The following BTC variants were observed in gnomAD, a reference collection of about 807,000 sequenced individuals.
BTC encodes probetacellulin.
Under a neutral mutation model 18.1 loss-of-function variants are expected in BTC, and 13 were observed. The ratio of observed to expected loss-of-function variants is 0.72; its 90% CI spans 0.47 to 1.14. BTC has a LOEUF of 1.14. Among genes scored for constraint, BTC ranks in the 50% most tolerant of loss-of-function variants. The probability of loss-of-function intolerance (pLI) is 0.00; values close to 1 mark genes in which losing one functional copy is unlikely to be tolerated. For synonymous variants in BTC, 83 were observed against 79.4 expected, an observed-to-expected ratio of 1.05 and a Z score of -0.24; for missense variants, 247 against 224.2, an observed-to-expected ratio of 1.10 and a Z score of -0.65.
At chr4:74,788,533 G>C (rs1202655510) in intron 1 of BTC, among the ~76,000 whole-genome samples, 1 of 152,110 alleles carries the variant, frequency 6.6e-6, no homozygotes, top group Non-Finnish European at 1.5e-5. Flanking sequence ...GAAAGACAAT[G>C]GCCTACAATT....
At chr4:74,772,071 T>C (rs1259988459) in intron 1 of BTC, among the ~76,000 whole-genome samples, 1 of 152,214 alleles carries the variant, frequency 6.6e-6, no homozygotes, top group Non-Finnish European at 1.5e-5. Flanking sequence ...TGGGAGTATG[T>C]ACTCATCTGT....
Position 74,757,760 on chromosome 4 carries a change from G to A in BTC, c.164-1784C>T, listed in dbSNP as rs187286855. Among the ~76,000 whole-genome samples, 21 of 152,268 alleles carry A rather than the reference G, an allele frequency of 1.4e-4. No individual in the cohort carries two copies. In the East Asian group the frequency reaches 2.5e-3, roughly 18 times the overall value. Reference sequence around the variant, plus strand: ...AAACAGTAGAAAGAACACTGGATTCGGAGAAAGAAAATTCGTGTTTAATTT... The same window carrying A: ...AAACAGTAGAAAGAACACTGGATTCAGAGAAAGAAAATTCGTGTTTAATTT... On this transcript the variant is annotated intron_variant, in intron 2 of 5. Transcript: ENST00000395743.
chr4:74,792,480 G>T (rs763864627), intron 1 of BTC, among the ~76,000 whole-genome samples: 1 of 151,928 alleles, frequency 6.6e-6, no homozygotes, highest in Non-Finnish European at 1.5e-5. Context: ...GCCCACAGGC[G>T]CCCCCCCTTC....
At chr4:74,760,151 C>G (rs1553957139) in intron 2 of BTC, among the ~76,000 whole-genome samples, 2 of 152,182 alleles carry the variant, frequency 1.3e-5, no homozygotes, top group Non-Finnish European at 2.9e-5. Flanking sequence ...GCAATCAATA[C>G]TACAACTGTT....
rs10654944 is a variant in BTC at position 74,749,483 on chromosome 4, AAAATAAATAAAT to A, written c.428+1078_428+1089del. The stretch of plus-strand genomic sequence containing the variant: ...GGGCAACAGAGCAAGACTCTGTCTC[AAAATAAATAAAT>A]AAATAAATAAATAAATAAATAATCA... On this transcript the variant is annotated intron_variant, in intron 4 of 5. Transcript: ENST00000395743. Among the ~76,000 whole-genome samples the A allele has an allele frequency of 9.7e-4, 140 of 143,740 alleles. 3 individuals are homozygous for A. In the South Asian group the frequency reaches 0.026, roughly 27 times the overall value. The allele number at this position is 143,740 out of a possible 152,430, so 94.3% of individuals were successfully genotyped here. A position where few individuals can be genotyped will look rare whatever the true frequency, so the allele number is the denominator to read the frequency against.
At chr4:74,778,070 C>T (rs771223249) in intron 1 of BTC, among the ~76,000 whole-genome samples, 3 of 150,832 alleles carry the variant, frequency 2.0e-5, no homozygotes, top group Non-Finnish European at 4.4e-5. Flanking sequence ...TAATGTTTAA[C>T]ACTGAGTTTG....
At chr4:74,776,968 C>T (rs970805899) in intron 1 of BTC, among the ~76,000 whole-genome samples, 4 of 152,136 alleles carry the variant, frequency 2.6e-5, no homozygotes, top group African/African-American at 7.2e-5. Flanking sequence ...TTCCATGTCT[C>T]ATTAGAAAAT....
intron 4 of BTC, among the ~76,000 whole-genome samples, chr4:74,749,823 C>G (rs1724409755): frequency 1.4e-5 from 2 of 146,714 alleles, no homozygotes; most frequent in African/African-American, 2.5e-5. Context: ...GGACCAGGTA[C>G]AGTGGCTCAC....
At chr4:74,757,624 A>T (rs1317055575) in intron 2 of BTC, among the ~76,000 whole-genome samples, 1 of 152,246 alleles carries the variant, frequency 6.6e-6, no homozygotes, top group Non-Finnish European at 1.5e-5. Flanking sequence ...GAAATAAAGG[A>T]TACCTTATCT....
intron 1 of BTC, 64 bp from the exon 2 acceptor site, chr4:74,770,220 A>G (rs1725003617): frequency 7.8e-6 from 10 of 1,288,220 alleles, no homozygotes; most frequent in Non-Finnish European, 1.1e-5. Flanking sequence ...ACAGTCTATC[A>G]AAGTCATCAC....
chr4:74,783,587 C>CT (rs71220728), intron 1 of BTC, among the ~76,000 whole-genome samples: 19,799 of 83,524 alleles, frequency 0.24, 2,592 homozygotes, highest in South Asian at 0.32. Flanking sequence ...CTATTCGGCT[C>CT]TTTTTTTTTT....
At chr4:74,786,359 G>A (rs1202851940) in intron 1 of BTC, among the ~76,000 whole-genome samples, 1 of 152,164 alleles carries the variant, frequency 6.6e-6, no homozygotes. Flanking sequence ...AAAGATCTGT[G>A]TGTAATGTGC....
At chr4:74,781,078 C>T (rs979698243) in intron 1 of BTC, among the ~76,000 whole-genome samples, 5 of 151,950 alleles carry the variant, frequency 3.3e-5, no homozygotes, top group African/African-American at 1.2e-4. Flanking sequence ...CACTCCCTAC[C>T]CAGCTTAGGA....
Position 74,759,340 on chromosome 4 carries a change from A to T in BTC, c.164-3364T>A, listed in dbSNP as rs77160158. On this transcript the variant is annotated intron_variant, in intron 2 of 5. Coordinates refer to ENST00000395743, the MANE Select transcript of BTC (RefSeq NM_001729.4). The stretch of plus-strand genomic sequence containing the variant: ...CAACCAGAAATATCCCTCTGGTCCT[A>T]GAGGTGGTGGGACACAATCGATTTT... 7.3e-3 allele frequency among the ~76,000 whole-genome samples: 1,113 copies of T among 152,326 alleles called. 38 individuals are homozygous for T. The highest frequency in any genetic ancestry group is 0.054 in the Admixed American group (823 of 15,302).
chr4:74,768,648 T>A (rs1038335521), intron 2 of BTC, among the ~76,000 whole-genome samples: 120 of 152,150 alleles, frequency 7.9e-4, no homozygotes, highest in Non-Finnish European at 2.4e-4. Flanking sequence ...TAGTGCAACA[T>A]TAATAAATTT....
Position 74,745,458 on chromosome 4 carries a change from C to A in BTC, c.*1219G>T, listed in dbSNP as rs183281895. On this transcript the variant is annotated 3_prime_UTR_variant, in exon 6 of 6. Coordinates refer to ENST00000395743, the MANE Select transcript of BTC (RefSeq NM_001729.4). ...CTTCCATCGATTTTTGTAAGTGAACCACGTAATCAATGTAAAAAGTTAAAT... is the reference window on the plus strand; with the variant it reads ...CTTCCATCGATTTTTGTAAGTGAACAACGTAATCAATGTAAAAAGTTAAAT... The A allele has an allele frequency of 6.6e-6, 1 of 152,112 alleles. No individual in the cohort carries two copies. The highest frequency in any genetic ancestry group is 1.5e-5 in the Non-Finnish European group (1 of 68,024). The allele number at this position is 152,112 out of a possible 1,614,324, so 9.4% of individuals were successfully genotyped here.
intron 1 of BTC, among the ~76,000 whole-genome samples, chr4:74,778,958 A>G (rs1052001948): frequency 1.3e-5 from 2 of 152,146 alleles, no homozygotes; most frequent in Non-Finnish European, 2.9e-5. Flanking sequence ...CTTAAATCAC[A>G]TCATCTGGAG....
At chr4:74,748,221 A>T (rs1553955681) in intron 4 of BTC, 72 bp from the exon 5 acceptor site, 3 of 927,332 alleles carry the variant, frequency 3.2e-6, no homozygotes, top group African/African-American at 1.7e-5. Flanking sequence ...CCATCAAGAG[A>T]TCCTATGATC....
At chr4:74,788,309 C>T (rs920691392) in intron 1 of BTC, among the ~76,000 whole-genome samples, 2 of 152,108 alleles carry the variant, frequency 1.3e-5, no homozygotes, top group South Asian at 2.1e-4. Flanking sequence ...ATTTGTCCAC[C>T]TTTTAATTCT....
Sources: gnomAD v4.1 joint callset for allele counts (sites outside exome capture counted in the v4.1 genomes callset) on GRCh38, gnomAD v4.1.1 for gene constraint, MANE v1.5 for transcripts, NCBI Gene and HGNC (gene_info 2026-07-23, HGNC 2026-07-21) for gene names.